CDH2: variants seen among roughly 807,000 people sequenced by gnomAD.
CDH2 encodes cadherin 2.
In CDH2, 17 loss-of-function variants were observed where a neutral mutation model predicts 92.0. The ratio of observed to expected loss-of-function variants is 0.18; its 90% CI spans 0.13 to 0.28. The LOEUF (loss-of-function observed/expected upper bound fraction) is 0.28. CDH2 is among the 10% of genes least tolerant of loss of function. CDH2 has a pLI of 1.00. For synonymous variants in CDH2, 419 were observed against 415.9 expected (o/e 1.01, Z -0.09); for missense variants, 862 against 1,133.1 (o/e 0.76, Z 3.44).
intron 2 of CDH2, among the ~76,000 whole-genome samples, chr18:28,073,043 G>A (rs1379921779): frequency 1.3e-5 from 2 of 151,880 alleles, no homozygotes; most frequent in Non-Finnish European, 2.9e-5. Flanking sequence ...CGGTGGCACA[G>A]AATTTTTTTT....
At chr18:28,088,196 C>A (rs2014971374) in intron 2 of CDH2, among the ~76,000 whole-genome samples, 1 of 152,110 alleles carries the variant, frequency 6.6e-6, no homozygotes, top group African/African-American at 2.4e-5. Context: ...GAGGCTGTTT[C>A]ACATCAGATT....
intron 2 of CDH2, among the ~76,000 whole-genome samples, chr18:28,128,939 C>T (rs1457923699): frequency 6.6e-6 from 1 of 152,154 alleles, no homozygotes; most frequent in Non-Finnish European, 1.5e-5. Context: ...ATTTGAATTG[C>T]TCTTTTGCTT....
chr18:28,103,134 A>C (rs1028058091), intron 2 of CDH2, among the ~76,000 whole-genome samples: 1 of 147,420 alleles, frequency 6.8e-6, no homozygotes, highest in Admixed American at 6.8e-5. Context: ...CCAATTAATA[A>C]ACTCCTTATA....
chr18:28,098,820 C>T (rs2015180165), intron 2 of CDH2, among the ~76,000 whole-genome samples: 1 of 152,094 alleles, frequency 6.6e-6, no homozygotes, highest in Non-Finnish European at 1.5e-5. Flanking sequence ...TGCTGGCTGA[C>T]TCAAATTTTT....
chr18:27,943,079 G>A (rs1909183431), intron 6 of CDH2, among the ~76,000 whole-genome samples: 3 of 152,202 alleles, frequency 2.0e-5, no homozygotes, highest in South Asian at 4.1e-4. Context: ...TGATTCATTC[G>A]TAGAGTTTAG....
At chr18:28,022,864 T>G (rs2013448633) in intron 2 of CDH2, among the ~76,000 whole-genome samples, 1 of 152,168 alleles carries the variant, frequency 6.6e-6, no homozygotes, top group South Asian at 2.1e-4. Context: ...CTATAAACTC[T>G]GTGTGTGTAA....
intron 2 of CDH2, among the ~76,000 whole-genome samples, chr18:28,076,560 C>A (rs1476778967): frequency 6.6e-6 from 1 of 151,716 alleles, no homozygotes; most frequent in Non-Finnish European, 1.5e-5. Context: ...TTAAATTATA[C>A]TTTAAGTTCT....
intron 14 of CDH2, among the ~76,000 whole-genome samples, chr18:27,976,362 C>A (rs2011829798): frequency 6.6e-6 from 1 of 152,168 alleles, no homozygotes; most frequent in Admixed American, 6.5e-5. Flanking sequence ...GTTCTCACAG[C>A]AGCCCAAGGC....
intron 2 of CDH2, among the ~76,000 whole-genome samples, chr18:28,025,315 C>T (rs1406866461): frequency 6.6e-6 from 1 of 151,898 alleles, no homozygotes; most frequent in Non-Finnish European, 1.5e-5. Context: ...CTCAGGAGTT[C>T]GAGACCAGCC....
chr18:28,060,559 C>T (rs1488174832), intron 2 of CDH2, among the ~76,000 whole-genome samples: 1 of 152,176 alleles, frequency 6.6e-6, no homozygotes, highest in Non-Finnish European at 1.5e-5. Flanking sequence ...CCCTAAAGTA[C>T]AGTCATTCTA....
At chr18:27,947,091 C>T (rs1383992521), downstream of CDH2, among the ~76,000 whole-genome samples, 3 of 151,590 alleles carry the variant, frequency 2.0e-5, no homozygotes, top group East Asian at 1.9e-4. Flanking sequence ...AAATACTATT[C>T]ATCTTGGAAA....
At chr18:28,170,332 T>C (rs2016446043) in intron 1 of CDH2, among the ~76,000 whole-genome samples, 1 of 152,212 alleles carries the variant, frequency 6.6e-6, no homozygotes, top group South Asian at 2.1e-4. Context: ...ATTTTGGTTG[T>C]CCTTCTCTGT....
chr18:28,133,757 T>C (rs556581928), intron 2 of CDH2, among the ~76,000 whole-genome samples: 2 of 152,238 alleles, frequency 1.3e-5, no homozygotes, highest in South Asian at 2.1e-4. Flanking sequence ...AGAAGATTTA[T>C]ATTTTTATAT....
Position 28,176,918 on chromosome 18 carries a change from C to T in CDH2, c.60+45G>A, listed in dbSNP as rs1445484792. 15 of 1,155,864 alleles carry T rather than the reference C, an allele frequency of 1.3e-5. No homozygotes were observed. The African/African-American group carries it at 1.6e-4, about 13-fold the overall frequency. The allele number at this position is 1,155,864 out of a possible 1,614,324, so 71.6% of individuals were successfully genotyped here. ...GGGAACAAAGGGACCCGGCGCCGCC[C>T]GCCCCACCCCGCCCGTGGCCCGGCC... is the stretch of plus-strand genomic sequence containing the variant. On this transcript the variant is annotated intron_variant, in intron 1 of 15. Transcript: ENST00000269141.
At chr18:28,006,717 CAA>C (rs35592550) in intron 5 of CDH2, among the ~76,000 whole-genome samples, 2,913 of 77,528 alleles carry the variant, frequency 0.038, 23 homozygotes, top group South Asian at 0.081. Context: ...GACTCTGTCT[CAA>C]AAAAAAAAAA....
intron 2 of CDH2, among the ~76,000 whole-genome samples, chr18:28,061,977 G>A (rs968128187): frequency 1.3e-5 from 2 of 152,114 alleles, no homozygotes; most frequent in Non-Finnish European, 2.9e-5. Flanking sequence ...GCAGGGACAC[G>A]GCCAAACCGT....
chr18:28,106,349 G>A (rs764259808), intron 2 of CDH2, among the ~76,000 whole-genome samples: 9 of 152,064 alleles, frequency 5.9e-5, no homozygotes, highest in East Asian at 3.9e-4. Context: ...CCTGGGAGGC[G>A]GCGGTTGCAG....
chr18:28,044,842 T>C (rs980419035), intron 2 of CDH2, among the ~76,000 whole-genome samples: 1 of 131,408 alleles, frequency 7.6e-6, no homozygotes, highest in African/African-American at 3.2e-5. Flanking sequence ...AAAGATAATA[T>C]ATAACATCGT....
At chr18:28,017,357 A>C (rs2013278323) in intron 2 of CDH2, among the ~76,000 whole-genome samples, 1 of 152,130 alleles carries the variant, frequency 6.6e-6, no homozygotes, top group African/African-American at 2.4e-5. Context: ...GTATACTTCC[A>C]GGAATTTATC....
Sources: gnomAD v4.1 joint callset for allele counts (sites outside exome capture counted in the v4.1 genomes callset) on GRCh38, gnomAD v4.1.1 for gene constraint, MANE v1.5 for transcripts, NCBI Gene and HGNC (gene_info 2026-07-23, HGNC 2026-07-21) for gene names.